The following LMF1 variants were observed in gnomAD, a reference collection of about 807,000 sequenced individuals.
The protein encoded by LMF1 is lipase maturation factor 1.
In LMF1, 68 loss-of-function variants were observed where a neutral mutation model predicts 60.6. The ratio of observed to expected loss-of-function variants is 1.12; its 90% CI spans 0.92 to 1.37. The LOEUF (loss-of-function observed/expected upper bound fraction) is 1.37, where lower values mean the gene tolerates loss of function less well. Ranked by LOEUF, LMF1 falls within the 40% of genes most tolerant of loss-of-function variation. The probability of loss-of-function intolerance (pLI) is 0.00; values close to 1 mark genes in which losing one functional copy is unlikely to be tolerated. For synonymous variants in LMF1, 418 were observed against 324.7 expected, an observed-to-expected ratio of 1.29 and a Z score of -3.09; for missense variants, 948 against 767.2, an observed-to-expected ratio of 1.24 and a Z score of -2.78.
At chr16:899,180 G>A (rs575198278) in intron 4 of LMF1, 12 of 152,350 alleles carry the variant, frequency 7.9e-5, no homozygotes, top group South Asian at 2.1e-4. Flanking sequence ...GGAGCACCCC[G>A]GCTCCTGCCC....
At chr16:907,538 G>A (rs1349778561) in intron 4 of LMF1, among the ~76,000 whole-genome samples, 1 of 152,080 alleles carries the variant, frequency 6.6e-6, no homozygotes, top group Non-Finnish European at 1.5e-5. Context: ...GGAGGGCCAC[G>A]GGGCTCCCCC....
intron 3 of LMF1, among the ~76,000 whole-genome samples, chr16:911,896 G>A (rs2071133370): frequency 6.6e-6 from 1 of 152,128 alleles, no homozygotes; most frequent in Admixed American, 6.5e-5. Context: ...CTGGATGCGG[G>A]GGACACGTGG....
rs8052895 is a variant in LMF1 at position 897,817 on chromosome 16, C to T, written c.664-4745G>A. Among the ~76,000 whole-genome samples, 58,749 of 152,118 alleles carry T rather than the reference C, an allele frequency of 0.39. 12,895 individuals carry two copies. The highest frequency in any genetic ancestry group is 0.58 in the African/African-American group (24,181 of 41,484). ...TGGTGCCTGGGGTCCCGCCTGGCTCCGTGGCTTTCCTGTCTTCCTGGGATG... is the reference window on the plus strand; with the variant it reads ...TGGTGCCTGGGGTCCCGCCTGGCTCTGTGGCTTTCCTGTCTTCCTGGGATG... On this transcript the variant is annotated intron_variant, in intron 4 of 10. Coordinates refer to ENST00000262301, the MANE Select transcript of LMF1 (RefSeq NM_022773.4). The surrounding 1 kb of genome is among the most constrained non-coding windows in gnomAD (Gnocchi z 4.3).
rs922562502 is a variant in LMF1 at position 854,354 on chromosome 16, A to G, written c.*178T>C. 2 of 757,254 alleles carry G rather than the reference A, an allele frequency of 2.6e-6. No homozygotes were observed. The highest frequency in any genetic ancestry group is 1.7e-5 in the African/African-American group (1 of 57,940). 46.9% of individuals were successfully genotyped at this position (757,254 alleles called of 1,614,324 possible). A position where few individuals can be genotyped will look rare whatever the true frequency, so the allele number is the denominator to read the frequency against. ...GGGCCCCAGGTGGGCAGGGCCTGGG[A>G]GCCGCCACAGTATGTGACAACAGAC... On this transcript the variant is annotated 3_prime_UTR_variant, in exon 11 of 11. Coordinates refer to ENST00000262301, the MANE Select transcript of LMF1 (RefSeq NM_022773.4).
chr16:934,330 T>C (rs1009337686), intron 2 of LMF1, 76 bp from the exon 3 acceptor site: 2 of 1,571,392 alleles, frequency 1.3e-6, no homozygotes, highest in Non-Finnish European at 1.7e-6. Flanking sequence ...CCCCACTGAG[T>C]GAAGCCCACC....
intron 5 of LMF1, among the ~76,000 whole-genome samples, chr16:884,657 CGG>C (rs2070255077): frequency 6.6e-6 from 1 of 150,946 alleles, no homozygotes; most frequent in Non-Finnish European, 1.5e-5. Context: ...AGAATGATCA[CGG>C]ATGGAAGCCT....
chr16:891,665 T>C (rs752076351), intron 5 of LMF1, among the ~76,000 whole-genome samples: 45 of 152,176 alleles, frequency 3.0e-4, no homozygotes, highest in Non-Finnish European at 5.4e-4. Context: ...CTGAGGGTGA[T>C]GGGGGAGACA....
chr16:921,914 AAACAT>A lies in LMF1; in HGVS notation c.515-10840_515-10836del. On this transcript the variant is annotated intron_variant, in intron 3 of 10. Transcript: ENST00000262301. ...TGACTACATAGAAAATTTAAAAACAAAACATAAGTAAGAGAATCTACAGAAATAGG... is the reference window on the plus strand; with the variant it reads ...TGACTACATAGAAAATTTAAAAACAAAAGTAAGAGAATCTACAGAAATAGG... Among the ~76,000 whole-genome samples the A allele has an allele frequency of 1.3e-5, 2 of 152,248 alleles. 1 individual carries two copies. Among genetic ancestry groups the A allele is most frequent in the Non-Finnish European group, 2.9e-5 (2 of 68,048 alleles).
intron 2 of LMF1, among the ~76,000 whole-genome samples, chr16:939,317 G>A (rs890020942): frequency 6.6e-6 from 1 of 152,178 alleles, no homozygotes; most frequent in Non-Finnish European, 1.5e-5. Flanking sequence ...CGCACACCCT[G>A]ACCCAGCAGC....
intron 1 of LMF1, among the ~76,000 whole-genome samples, chr16:957,740 A>G (rs190398275): frequency 3.3e-5 from 5 of 152,378 alleles, no homozygotes; most frequent in Middle Eastern, 3.4e-3. Flanking sequence ...GAAGAGCCGC[A>G]GAACTCAATG....
In LMF1 at chr16:881,047, G is replaced by A. The variant is rs112376592; in HGVS notation, c.730-1310C>T. 2.4e-3 allele frequency among the ~76,000 whole-genome samples: 367 copies of A among 152,312 alleles called. 4 individuals are homozygous for A. Among genetic ancestry groups the A allele is most frequent in the African/African-American group, 8.3e-3 (347 of 41,566 alleles). On this transcript the variant is annotated intron_variant, in intron 5 of 10. Transcript: ENST00000262301. ...GCGGCCCCCAGACGCTTCAGAATCC[G>A]CACCCAGGTCCTGGGACTCCCAGGG... is the stretch of plus-strand genomic sequence containing the variant.
intron 10 of LMF1, among the ~76,000 whole-genome samples, chr16:859,405 G>T (rs1422648849): frequency 1.4e-3 from 2 of 1,436 alleles, no homozygotes; most frequent in Admixed American, 6.4e-3. Flanking sequence ...TGTCTCGGGA[G>T]GGGTGTGCAG....
intron 10 of LMF1, chr16:855,871 C>T (rs1161942745): frequency 2.2e-6 from 1 of 455,914 alleles, no homozygotes. Context: ...GGGGTGGAGA[C>T]CTTGGGCCAT....
chr16:955,088 C>A (rs2072650519), intron 1 of LMF1, among the ~76,000 whole-genome samples: 1 of 150,168 alleles, frequency 6.7e-6, no homozygotes, highest in South Asian at 2.1e-4. Context: ...GTGCCCGCAG[C>A]AGACGCGGTG....
At chr16:966,666 G>A (rs1217239270) in intron 1 of LMF1, among the ~76,000 whole-genome samples, 5 of 152,218 alleles carry the variant, frequency 3.3e-5, no homozygotes, top group Non-Finnish European at 5.9e-5. Context: ...TCCTTGGTCC[G>A]CCTTCTGGGA....
chr16:860,134 A>T (rs539284116), intron 10 of LMF1, among the ~76,000 whole-genome samples: 2 of 152,154 alleles, frequency 1.3e-5, no homozygotes, highest in South Asian at 4.2e-4. Flanking sequence ...CATATTCCAG[A>T]TTTTAGACTA....
intron 1 of LMF1, among the ~76,000 whole-genome samples, chr16:963,861 T>C (rs896048055): frequency 2.0e-5 from 3 of 152,092 alleles, no homozygotes; most frequent in African/African-American, 7.2e-5. Flanking sequence ...AAAAAACTAT[T>C]TCAACCTCTA....
At chr16:888,297 C>T (rs572576642) in intron 5 of LMF1, among the ~76,000 whole-genome samples, 81 of 152,294 alleles carry the variant, frequency 5.3e-4, no homozygotes, top group Admixed American at 1.4e-3. Flanking sequence ...GAAGGAGCGC[C>T]GTGGGACTGA....
chr16:954,282 T>G, intron 2 of LMF1, 75 bp downstream of exon 2: 1 of 1,405,258 alleles, frequency 7.1e-7, no homozygotes, highest in Non-Finnish European at 9.9e-7. Context: ...TCTTTCCAAG[T>G]GCCAGGACAC....
Sources: gnomAD v4.1 joint callset for allele counts (sites outside exome capture counted in the v4.1 genomes callset) on GRCh38, gnomAD v4.1.1 for gene constraint, Gnocchi (gnomAD v3.1) non-coding constraint, MANE v1.5 for transcripts, NCBI Gene and HGNC (gene_info 2026-07-23, HGNC 2026-07-21) for gene names.